TMEM47: variants seen among roughly 807,000 people sequenced by gnomAD.
TMEM47 encodes brain cell membrane protein 1.
Under a neutral mutation model 12.4 loss-of-function variants are expected in TMEM47, and 3 were observed. The observed-to-expected ratio is 0.24, with a 90% CI of 0.11 to 0.63. TMEM47 has a LOEUF of 0.63. Ranked by LOEUF, TMEM47 falls within the 20% of genes least tolerant of loss-of-function variation. The pLI is 0.86. For missense variants in TMEM47, 89 were observed against 143.8 expected, an observed-to-expected ratio of 0.62 and a Z score of 1.95; for synonymous variants, 62 against 63.3, an observed-to-expected ratio of 0.98 and a Z score of 0.10.
intron 1 of TMEM47, among the ~76,000 whole-genome samples, chrX:34,651,222 CAT>C (rs770414062): frequency 8.9e-6 from 1 of 112,073 alleles, no homozygotes; most frequent in Non-Finnish European, 1.9e-5. Flanking sequence ...TGGTAGAAGA[CAT>C]GTGTGATTTC....
In TMEM47 at chrX:34,650,875, C is replaced by T. The variant is rs373680373; in HGVS notation, c.226+5929G>A. ...CATATCCAAAGTACAAGTAACCAGT[C>T]ATTAAAGCCATATGCTGGCTGAGGG... On this transcript the variant is annotated intron_variant, in intron 1 of 2. Coordinates refer to ENST00000275954, the MANE Select transcript of TMEM47 (RefSeq NM_031442.4). Among the ~76,000 whole-genome samples the T allele has an allele frequency of 9.0e-5, 10 of 111,570 alleles. No individual in the cohort carries two copies. The East Asian group carries it at 2.6e-3, about 29-fold the overall frequency.
At chrX:34,650,271 C>T (rs1449941311) in intron 1 of TMEM47, among the ~76,000 whole-genome samples, 2 of 111,748 alleles carry the variant, frequency 1.8e-5, no homozygotes, top group African/African-American at 3.3e-5. Context: ...TCCAAGCTTC[C>T]ATACATGACA....
chrX:34,635,175 G>A (rs1431084383), intron 2 of TMEM47, among the ~76,000 whole-genome samples: 2 of 111,180 alleles, frequency 1.8e-5, no homozygotes, highest in Non-Finnish European at 3.8e-5. Context: ...AACCAATGAC[G>A]CTCCAAATTT....
intron 1 of TMEM47, among the ~76,000 whole-genome samples, chrX:34,654,958 A>G (rs990673509): frequency 8.9e-6 from 1 of 111,897 alleles, no homozygotes. Context: ...GAGTGCTATT[A>G]CCGCTATATT....
At chrX:34,637,082 T>C in intron 2 of TMEM47, among the ~76,000 whole-genome samples, 3 of 112,244 alleles carry the variant, frequency 2.7e-5, no homozygotes, top group Middle Eastern at 9.1e-3. Flanking sequence ...GAGATTGTTA[T>C]ATCAGAGACA....
intron 1 of TMEM47, among the ~76,000 whole-genome samples, chrX:34,650,193 A>G (rs921319745): frequency 8.9e-6 from 1 of 112,466 alleles, no homozygotes; most frequent in Non-Finnish European, 1.9e-5. Flanking sequence ...TGTGAAATCA[A>G]ATCATGGATG....
intron 1 of TMEM47, among the ~76,000 whole-genome samples, chrX:34,653,724 T>C: frequency 8.9e-6 from 1 of 111,794 alleles, no homozygotes. Flanking sequence ...AAAATATTAC[T>C]ATAATTTGTG....
chrX:34,651,697 C>G (rs1358483801), intron 1 of TMEM47, among the ~76,000 whole-genome samples: 2 of 111,877 alleles, frequency 1.8e-5, no homozygotes, highest in African/African-American at 6.5e-5. Flanking sequence ...AAAGTTTCCT[C>G]AATAATATAT....
chrX:34,639,207 G>T, intron 2 of TMEM47, 40 bp downstream of exon 2: 3 of 1,155,037 alleles, frequency 2.6e-6, no homozygotes, highest in Non-Finnish European at 3.5e-6. Context: ...AAAGGTTCAT[G>T]AAACTTTAAT....
At chrX:34,636,943 G>A (rs1276005805) in intron 2 of TMEM47, among the ~76,000 whole-genome samples, 2 of 111,948 alleles carry the variant, frequency 1.8e-5, no homozygotes, top group African/African-American at 6.5e-5. Context: ...GGGCTTTCAA[G>A]TCAGATAGGT....
chrX:34,640,790 C>T (rs1921802358), intron 1 of TMEM47, among the ~76,000 whole-genome samples: 3 of 111,188 alleles, frequency 2.7e-5, no homozygotes, highest in Admixed American at 1.9e-4. Context: ...TTTGTACATC[C>T]CTGTCTCAAG....
rs34584128 is a variant in TMEM47, at chrX:34,634,484, C to CT, written c.368-3994_368-3993insA. On this transcript the variant is annotated intron_variant, in intron 2 of 2. Coordinates refer to ENST00000275954, the MANE Select transcript of TMEM47 (RefSeq NM_031442.4). ...TTGATAAACATATATTGGGTGCCTA[C>CT]GTGCTAGATGAAGGGGATAAGATAG... 9.9e-5 allele frequency among the ~76,000 whole-genome samples: 11 copies of CT among 111,375 alleles called. No individual in the cohort carries two copies. The South Asian group carries it at 4.1e-3, about 41-fold the overall frequency.
At chrX:34,649,192 C>T (rs1417711348) in intron 1 of TMEM47, among the ~76,000 whole-genome samples, 8 of 111,828 alleles carry the variant, frequency 7.2e-5, no homozygotes, top group Admixed American at 9.5e-5. Context: ...CCAGCAATCC[C>T]ATTACTAGGT....
At position 34,654,807 on chromosome X, in the gene TMEM47, A is replaced by AT. The variant is rs1188506311; in HGVS notation, c.226+1996dup. On this transcript the variant is annotated intron_variant, in intron 1 of 2. Transcript: ENST00000275954. ...TTCTACTTTATCTGGGCTGAAAACT[A>AT]TTTTTTTAAGGCAAGATAAGATGAA... is the stretch of plus-strand genomic sequence containing the variant. Among the ~76,000 whole-genome samples the AT allele has an allele frequency of 9.8e-5, 11 of 111,881 alleles. No individual in the cohort carries two copies. In the Admixed American group the frequency reaches 1.0e-3, roughly 11 times the overall value.
intron 1 of TMEM47, among the ~76,000 whole-genome samples, chrX:34,655,426 T>TA (rs1306764677): frequency 8.9e-6 from 1 of 111,887 alleles, no homozygotes; most frequent in Non-Finnish European, 1.9e-5. Context: ...TTGAAGGACC[T>TA]AAATGTTGAC....
At chrX:34,648,967 A>G (rs1232908404) in intron 1 of TMEM47, among the ~76,000 whole-genome samples, 1 of 112,488 alleles carries the variant, frequency 8.9e-6, no homozygotes, top group Non-Finnish European at 1.9e-5. Flanking sequence ...ACTGATCATT[A>G]GAGAAATTCA....
chrX:34,637,328 GA>G (rs201998794), intron 2 of TMEM47, among the ~76,000 whole-genome samples: 6 of 103,185 alleles, frequency 5.8e-5, no homozygotes, highest in Admixed American at 3.1e-4. Flanking sequence ...AGACCTCAGA[GA>G]AAAAAAAAAG....
intron 2 of TMEM47, among the ~76,000 whole-genome samples, chrX:34,632,405 A>G (rs1921643267): frequency 9.0e-6 from 1 of 111,564 alleles, no homozygotes. Flanking sequence ...AGCCCATGTA[A>G]AAGATTATTA....
At position 34,657,099 on chromosome X, in the gene TMEM47, G is replaced by C; in HGVS notation, c.-70C>G. The C allele has an allele frequency of 1.9e-6, 2 of 1,078,442 alleles. No individual in the cohort carries two copies. Among genetic ancestry groups the C allele is most frequent in the South Asian group, 4.9e-5 (2 of 40,762 alleles). 88.9% of individuals were successfully genotyped at this position (1,078,442 alleles called of 1,213,427 possible). On this transcript the variant is annotated 5_prime_UTR_variant, in exon 1 of 3. Transcript: ENST00000275954. ...AGGCGGGTCCGGAGAGCCGGGAGCCGGACCTCCCGAAGGGAGAAGCCGCCG... is the reference window on the plus strand; with the variant it reads ...AGGCGGGTCCGGAGAGCCGGGAGCCCGACCTCCCGAAGGGAGAAGCCGCCG...
Sources: gnomAD v4.1 joint callset for allele counts (sites outside exome capture counted in the v4.1 genomes callset) on GRCh38, gnomAD v4.1.1 for gene constraint, MANE v1.5 for transcripts, NCBI Gene and HGNC (gene_info 2026-07-23, HGNC 2026-07-21) for gene names.